The following RNF4 variants were observed in gnomAD, a reference collection of about 807,000 sequenced individuals.
RNF4 encodes the protein ring finger protein 4, also known as E3 ubiquitin-protein ligase RNF4.
A neutral mutation model predicts 24.3 loss-of-function variants in RNF4; 7 were observed. The observed-to-expected ratio is 0.29, with a 90% CI of 0.16 to 0.54. The LOEUF is 0.54. RNF4 is among the 20% of genes least tolerant of loss of function. The pLI is 0.95. For synonymous variants in RNF4, 83 were observed against 84.3 expected, an observed-to-expected ratio of 0.98 and a Z score of 0.09; for missense variants, 209 against 248.5, an observed-to-expected ratio of 0.84 and a Z score of 1.07.
At chr4:2,492,613 G>A (rs1327507719) in intron 2 of RNF4, among the ~76,000 whole-genome samples, 2 of 152,186 alleles carry the variant, frequency 1.3e-5, no homozygotes, top group African/African-American at 2.4e-5. Flanking sequence ...TGGATGGTGG[G>A]GACAGGTGAG....
At chr4:2,505,435 C>T (rs973841647) in intron 4 of RNF4, 1 of 151,718 alleles carries the variant, frequency 6.6e-6, no homozygotes. Flanking sequence ...ACACCATTCT[C>T]CTGCCTCAGC....
rs1267213262 is a variant in RNF4 at position 2,513,894 on chromosome 4, T to C, written c.*75T>C. 3.0e-5 allele frequency: 48 copies of C among 1,587,232 alleles called. No individual in the cohort carries two copies. The highest frequency in any genetic ancestry group is 4.0e-5 in the Non-Finnish European group (46 of 1,161,318). On this transcript the variant is annotated 3_prime_UTR_variant, in exon 8 of 8. Coordinates refer to ENST00000314289, the MANE Select transcript of RNF4 (RefSeq NM_002938.5). ...TTCTCCAGTGGTATCTGCCTCCATT[T>C]TCCTGAGATCAAAAAGACTGTTTCG...
chr4:2,500,570 A>ATG, intron 3 of RNF4, 89 bp from the exon 4 acceptor site: 2 of 1,236,664 alleles, frequency 1.6e-6, no homozygotes, highest in African/African-American at 3.0e-5. Context: ...GGGTAAGCCT[A>ATG]TAACATTAGC....
chr4:2,506,434 A>G (rs1473888333), intron 4 of RNF4, among the ~76,000 whole-genome samples: 3 of 151,942 alleles, frequency 2.0e-5, no homozygotes, highest in Non-Finnish European at 4.4e-5. Context: ...TACCTGACTC[A>G]GCCTCCCAAA....
At chr4:2,483,364 A>C (rs538683053) in intron 1 of RNF4, among the ~76,000 whole-genome samples, 72 of 152,350 alleles carry the variant, frequency 4.7e-4, no homozygotes, top group African/African-American at 1.5e-3. Flanking sequence ...GTATTTGTCC[A>C]AGGCTGTAGG....
At chr4:2,472,566 GCATAGTGAGAC>G (rs1033270098) in intron 1 of RNF4, among the ~76,000 whole-genome samples, 7 of 143,944 alleles carry the variant, frequency 4.9e-5, no homozygotes, top group African/African-American at 1.8e-4. Context: ...AGCCGGGGCA[GCATAGTGAGAC>G]CACCCCCTCC....
Position 2,491,981 on chromosome 4 carries a change from G to A in RNF4, c.9+1479G>A, listed in dbSNP as rs989726989. On this transcript the variant is annotated intron_variant, in intron 2 of 7. Transcript: ENST00000314289. ...TGGGAGGCCGAGGTGGGCGGATCAC[G>A]AGGTCAGGAGATCAAGACCATCCTG... 5.9e-5 allele frequency among the ~76,000 whole-genome samples: 9 copies of A among 151,690 alleles called. No individual in the cohort carries two copies. In the East Asian group the frequency reaches 7.8e-4, roughly 13 times the overall value.
In RNF4 at chr4:2,512,410, A is replaced by G; in HGVS notation, c.215-28A>G. 1.3e-6 allele frequency: 2 copies of G among 1,588,554 alleles called. No individual in the cohort carries two copies. Among genetic ancestry groups the G allele is most frequent in the Non-Finnish European group, 8.6e-7 (1 of 1,167,660 alleles). Reference sequence around the variant, plus strand: ...AGGATGGTAAGAGTAGAGAGCCTCCAACCTGAAAATGTGACCTCTTACCTT... The same window carrying G: ...AGGATGGTAAGAGTAGAGAGCCTCCGACCTGAAAATGTGACCTCTTACCTT... On this transcript the variant is annotated intron_variant, in intron 5 of 7. Transcript: ENST00000314289. The surrounding 1 kb of genome is among the most constrained non-coding windows in gnomAD (Gnocchi z 4.1).
chr4:2,512,611 C>T lies in RNF4; in HGVS notation c.374+14C>T. ...TACAGGCCTCAGGTACCAACGTGCC[C>T]CCAGCTCTGCTGCCGCCATGCTAGG... On this transcript the variant is annotated intron_variant, in intron 6 of 7. Transcript: ENST00000314289. The surrounding 1 kb of genome is among the most constrained non-coding windows in gnomAD (Gnocchi z 4.1). 2 of 1,612,740 alleles carry T rather than the reference C, an allele frequency of 1.2e-6. No individual in the cohort carries two copies. Among genetic ancestry groups the T allele is most frequent in the Non-Finnish European group, 1.7e-6 (2 of 1,179,166 alleles).
chr4:2,511,850 G>T lies in RNF4; in HGVS notation c.205-106G>T, dbSNP rs957106638. 207 of 1,157,134 alleles carry T rather than the reference G, an allele frequency of 1.8e-4. 2 individuals are homozygous for T. In the South Asian group the frequency reaches 2.6e-3, roughly 15 times the overall value. The allele number at this position is 1,157,134 out of a possible 1,614,324, so 71.7% of individuals were successfully genotyped here. Reference sequence around the variant, plus strand: ...TGGGGCCTCTGCTGCTCACCAGAGGGTTCCACAGAGGGTGTCACACGTCAG... The same window carrying T: ...TGGGGCCTCTGCTGCTCACCAGAGGTTTCCACAGAGGGTGTCACACGTCAG... On this transcript the variant is annotated intron_variant, in intron 4 of 7. Coordinates refer to ENST00000314289, the MANE Select transcript of RNF4 (RefSeq NM_002938.5).
intron 1 of RNF4, among the ~76,000 whole-genome samples, chr4:2,470,629 A>G (rs1030446088): frequency 6.6e-6 from 1 of 152,226 alleles, no homozygotes; most frequent in Non-Finnish European, 1.5e-5. Flanking sequence ...TATATAATGT[A>G]TGCACATCTG....
intron 1 of RNF4, among the ~76,000 whole-genome samples, chr4:2,472,563 G>A (rs1734937932): frequency 6.7e-6 from 1 of 149,752 alleles, no homozygotes. Flanking sequence ...ACCAGCCGGG[G>A]CAGCATAGTG....
At chr4:2,495,117 C>T (rs899702057) in intron 2 of RNF4, among the ~76,000 whole-genome samples, 4 of 152,190 alleles carry the variant, frequency 2.6e-5, no homozygotes, top group Non-Finnish European at 5.9e-5. Flanking sequence ...AGAGCAGCTG[C>T]TCACTTGGGA....
chr4:2,487,964 C>G (rs1735461266), intron 1 of RNF4, among the ~76,000 whole-genome samples: 2 of 152,152 alleles, frequency 1.3e-5, no homozygotes. Context: ...TTGGGCATCT[C>G]CTGAAAAACC....
chr4:2,514,046 A>G lies in RNF4; in HGVS notation c.*227A>G. ...CATCTCTGTTCCTCTGGGGTGGTCC[A>G]GTTCTAGAGTGGGAGAAAGGGAGTC... On this transcript the variant is annotated 3_prime_UTR_variant, in exon 8 of 8. Coordinates refer to ENST00000314289, the MANE Select transcript of RNF4 (RefSeq NM_002938.5). 1.3e-5 allele frequency: 7 copies of G among 526,270 alleles called. No individual in the cohort carries two copies. The South Asian group carries it at 1.8e-4, about 14-fold the overall frequency. The allele number at this position is 526,270 out of a possible 1,614,324, so 32.6% of individuals were successfully genotyped here. A position where few individuals can be genotyped will look rare whatever the true frequency, so the allele number is the denominator to read the frequency against.
rs1197503476 is a variant in RNF4 at position 2,484,070 on chromosome 4, C to CCCCCT, written c.-157-6263_-157-6262insTCCCC. On this transcript the variant is annotated intron_variant, in intron 1 of 7. Coordinates refer to ENST00000314289, the MANE Select transcript of RNF4 (RefSeq NM_002938.5). Reference sequence around the variant, plus strand: ...TCGAACTCCTGGCCTCAGGTGATCCCCCCCCGCCTCGGCCTCCCAAAGTGC... The same window carrying CCCCCT: ...TCGAACTCCTGGCCTCAGGTGATCCCCCCCTCCCCCGCCTCGGCCTCCCAAAGTGC... Among the ~76,000 whole-genome samples the CCCCCT allele has an allele frequency of 7.7e-5, 3 of 38,916 alleles. 1 individual carries two copies. The highest frequency in any genetic ancestry group is 2.6e-4 in the African/African-American group (3 of 11,568). The allele number at this position is 38,916 out of a possible 152,430, so 25.5% of individuals were successfully genotyped here. A position where few individuals can be genotyped will look rare whatever the true frequency, so the allele number is the denominator to read the frequency against.
chr4:2,512,630 T>C lies in RNF4; in HGVS notation c.374+33T>C. The C allele has an allele frequency of 6.2e-7, 1 of 1,610,020 alleles. No individual in the cohort carries two copies. The highest frequency in any genetic ancestry group is 1.7e-4 in the Middle Eastern group (1 of 6,042). ...CGTGCCCCCAGCTCTGCTGCCGCCATGCTAGGATGTGGGGCCAGGGCATGG... is the reference window on the plus strand; with the variant it reads ...CGTGCCCCCAGCTCTGCTGCCGCCACGCTAGGATGTGGGGCCAGGGCATGG... On this transcript the variant is annotated intron_variant, in intron 6 of 7. Transcript: ENST00000314289. This position sits in a 1 kb window ranked among gnomAD's most constrained non-coding sequence, Gnocchi z 4.1.
intron 4 of RNF4, among the ~76,000 whole-genome samples, chr4:2,504,370 G>A (rs1195412281): frequency 1.3e-5 from 2 of 152,126 alleles, no homozygotes; most frequent in Non-Finnish European, 2.9e-5. Flanking sequence ...CATCCTCATG[G>A]CCACTTTTAA....
chr4:2,481,529 C>G (rs573992482), intron 1 of RNF4, among the ~76,000 whole-genome samples: 38 of 152,264 alleles, frequency 2.5e-4, no homozygotes, highest in Admixed American at 2.5e-3. Context: ...GCAATACTTG[C>G]AATATTCTTG....
Sources: gnomAD v4.1 joint callset for allele counts (sites outside exome capture counted in the v4.1 genomes callset) on GRCh38, gnomAD v4.1.1 for gene constraint, Gnocchi (gnomAD v3.1) non-coding constraint, MANE v1.5 for transcripts, NCBI Gene and HGNC (gene_info 2026-07-23, HGNC 2026-07-21) for gene names.